DLC1: variants seen among roughly 807,000 people sequenced by gnomAD.
DLC1 encodes rho GTPase-activating protein 7.
Under a neutral mutation model 140.3 loss-of-function variants are expected in DLC1, and 54 were observed. The ratio of observed to expected loss-of-function variants is 0.38; its 90% CI spans 0.31 to 0.48. DLC1 has a LOEUF of 0.48. Ranked by LOEUF, DLC1 falls within the 20% of genes least tolerant of loss-of-function variation. The pLI is 0.96. For synonymous variants in DLC1, 986 were observed against 728.1 expected, an observed-to-expected ratio of 1.35 and a Z score of -5.70; for missense variants, 2,536 against 1,907.0, an observed-to-expected ratio of 1.33 and a Z score of -6.14.
intron 4 of DLC1, among the ~76,000 whole-genome samples, chr8:13,379,000 C>G (rs1836128460): frequency 6.6e-6 from 1 of 152,036 alleles, no homozygotes. Context: ...AAGTTTTTGC[C>G]TCAAGCTTTT....
At chr8:13,552,111 G>GTGTGTATATATATATATA (rs1279225632) in intron 1 of DLC1, among the ~76,000 whole-genome samples, 22 of 54,528 alleles carry the variant, frequency 4.0e-4, no homozygotes, top group African/African-American at 1.4e-3. Flanking sequence ...GTCTAGAGGT[G>GTGTGTATATATATATATA]TATATATATA....
At chr8:13,443,992 G>C (rs1563351363) in intron 2 of DLC1, among the ~76,000 whole-genome samples, 1 of 152,072 alleles carries the variant, frequency 6.6e-6, no homozygotes, top group Admixed American at 6.6e-5. Flanking sequence ...TATGAATCAT[G>C]GCCATGATGT....
chr8:13,275,979 T>C (rs1329259607), intron 5 of DLC1, among the ~76,000 whole-genome samples: 1 of 152,150 alleles, frequency 6.6e-6, no homozygotes, highest in African/African-American at 2.4e-5. Flanking sequence ...TGCTTCTCTT[T>C]TGAAGGTTAA....
Position 13,224,395 on chromosome 8 carries a change from A to C in DLC1, c.1348+80874T>G, listed in dbSNP as rs1002398384. ...TGATCATCATGAGACCAAACAGCAC[A>C]GTCTCAACTGTTTATTAAGGGCTTG... is the stretch of plus-strand genomic sequence containing the variant. On this transcript the variant is annotated intron_variant, in intron 5 of 17. Coordinates refer to ENST00000276297, the MANE Select transcript of DLC1 (RefSeq NM_182643.3). Among the ~76,000 whole-genome samples the C allele has an allele frequency of 8.5e-5, 13 of 152,328 alleles. No homozygotes were observed. The East Asian group carries it at 2.5e-3, about 29-fold the overall frequency.
Position 13,593,637 on chromosome 8 carries a change from T to A in DLC1, c.-126+10900A>T, listed in dbSNP as rs192848598. On this transcript the variant is annotated intron_variant, in intron 1 of 1. Coordinates refer to the DLC1 transcript ENST00000631382. ...CTTAGCTTAAGAGATTGTTCATTATTAGAGTGCAATGGAACCCCGCCCGAT... is the reference window on the plus strand; with the variant it reads ...CTTAGCTTAAGAGATTGTTCATTATAAGAGTGCAATGGAACCCCGCCCGAT... Among the ~76,000 whole-genome samples, 473 of 152,182 alleles carry A rather than the reference T, an allele frequency of 3.1e-3. 4 individuals are homozygous for A. The highest frequency in any genetic ancestry group is 4.8e-3 in the Non-Finnish European group (327 of 67,964).
intron 2 of DLC1, among the ~76,000 whole-genome samples, chr8:13,459,258 C>G (rs1039378729): frequency 6.6e-6 from 1 of 152,110 alleles, no homozygotes; most frequent in East Asian, 1.9e-4. Context: ...TTTCCCTCCC[C>G]CTCTTTCATT....
intron 5 of DLC1, among the ~76,000 whole-genome samples, chr8:13,202,648 T>A (rs1827453482): frequency 6.6e-6 from 1 of 152,248 alleles, no homozygotes; most frequent in Admixed American, 6.5e-5. Flanking sequence ...AAAACTGAAG[T>A]TCCCCCCACC....
In DLC1 at chr8:13,361,543, G is replaced by A. The variant is rs142076012; in HGVS notation, c.1314+32010C>T. Among the ~76,000 whole-genome samples, 438 of 152,180 alleles carry A rather than the reference G, an allele frequency of 2.9e-3. 3 individuals are homozygous for A. The highest frequency in any genetic ancestry group is 0.01 in the African/African-American group (423 of 41,538). On this transcript the variant is annotated intron_variant, in intron 4 of 17. Transcript: ENST00000276297. ...AGCCTTTCAAGTAGCTGGGATTACAGGGGTGAGCCACCACGCCCTGCTCCA... is the reference window on the plus strand; with the variant it reads ...AGCCTTTCAAGTAGCTGGGATTACAAGGGTGAGCCACCACGCCCTGCTCCA...
Position 13,520,585 on chromosome 8 carries a change from A to G in DLC1, c.-125-20389T>C, listed in dbSNP as rs189891021. Among the ~76,000 whole-genome samples, 348 of 152,334 alleles carry G rather than the reference A, an allele frequency of 2.3e-3. 8 individuals are homozygous for G. The highest frequency in any genetic ancestry group is 2.1e-3 in the East Asian group (11 of 5,178). On this transcript the variant is annotated intron_variant, in intron 1 of 1. Transcript: ENST00000631382. The stretch of plus-strand genomic sequence containing the variant: ...GTGTATACCTATGTAACAAAACTGC[A>G]TGTTCTGCAAATGTAACCCAGAACT...
chr8:13,269,219 A>C (rs1563212405), intron 5 of DLC1, among the ~76,000 whole-genome samples: 1 of 152,108 alleles, frequency 6.6e-6, no homozygotes, highest in Non-Finnish European at 1.5e-5. Context: ...GGCTGTGCCT[A>C]AGAAGAGTAA....
rs539616120 is a variant in DLC1, at chr8:13,105,595, T to C, written c.1503-2742A>G. 6.7e-5 allele frequency among the ~76,000 whole-genome samples: 10 copies of C among 150,232 alleles called. No homozygotes were observed. The South Asian group carries it at 8.4e-4, about 13-fold the overall frequency. ...TCTAGGTTCCTTTCTTTTTCTTCTT[T>C]TTTTTTTTTTTTGGAGACAGTCTTG... is the stretch of plus-strand genomic sequence containing the variant. On this transcript the variant is annotated intron_variant, in intron 7 of 17. Coordinates refer to ENST00000276297, the MANE Select transcript of DLC1 (RefSeq NM_182643.3).
At chr8:13,360,670 A>AT (rs368329471) in intron 4 of DLC1, among the ~76,000 whole-genome samples, 22 of 151,650 alleles carry the variant, frequency 1.5e-4, no homozygotes, top group South Asian at 1.3e-3. Flanking sequence ...GCATAGTGTG[A>AT]TTTTTTTTTC....
intron 5 of DLC1, among the ~76,000 whole-genome samples, chr8:13,139,127 T>C (rs1313055200): frequency 6.7e-6 from 1 of 150,148 alleles, no homozygotes; most frequent in African/African-American, 2.4e-5. Context: ...TACACAACAT[T>C]AAAAATAAAA....
chr8:13,418,242 T>C (rs1045971500), intron 2 of DLC1, among the ~76,000 whole-genome samples: 1 of 151,948 alleles, frequency 6.6e-6, no homozygotes, highest in Non-Finnish European at 1.5e-5. Flanking sequence ...GTCAATTTTG[T>C]CTTTTGTTGC....
At chr8:13,180,690 C>T (rs1173416625) in intron 5 of DLC1, among the ~76,000 whole-genome samples, 3 of 152,024 alleles carry the variant, frequency 2.0e-5, no homozygotes, top group African/African-American at 7.2e-5. Context: ...ATTCATTGTA[C>T]AACTAATCTC....
intron 1 of DLC1, among the ~76,000 whole-genome samples, chr8:13,594,480 C>G (rs6530650): frequency 6.6e-6 from 1 of 151,930 alleles, no homozygotes; most frequent in African/African-American, 2.4e-5. Context: ...TTGCTTTCGT[C>G]TCTTTTCCTT....
intron 5 of DLC1, among the ~76,000 whole-genome samples, chr8:13,196,709 A>G (rs767427447): frequency 3.9e-5 from 6 of 152,238 alleles, no homozygotes; most frequent in Non-Finnish European, 8.8e-5. Context: ...CTTCGGGGCT[A>G]AGAGAACATC....
At chr8:13,498,611 T>A (rs1016667911) in intron 2 of DLC1, among the ~76,000 whole-genome samples, 1 of 152,118 alleles carries the variant, frequency 6.6e-6, no homozygotes, top group African/African-American at 2.4e-5. Flanking sequence ...TTATACCACC[T>A]TTTTTTCTTA....
intron 1 of DLC1, among the ~76,000 whole-genome samples, chr8:13,597,793 G>A (rs1197521808): frequency 6.6e-6 from 1 of 152,012 alleles, no homozygotes; most frequent in South Asian, 2.1e-4. Context: ...TTTCATAACT[G>A]CACAGAAGGA....
Sources: allele counts gnomAD v4.1 joint callset (sites outside exome capture counted in the v4.1 genomes callset), GRCh38; gene constraint gnomAD v4.1.1; transcripts MANE v1.5; gene names NCBI Gene and HGNC (gene_info 2026-07-23, HGNC 2026-07-21).